BMP5: variants seen among roughly 807,000 people sequenced by gnomAD.
BMP5 encodes bone morphogenetic protein 5.
Under a neutral mutation model 46.6 loss-of-function variants are expected in BMP5, and 23 were observed. That is an observed-to-expected ratio of 0.49 (90% CI 0.35 to 0.70). The LOEUF is 0.70. BMP5 is among the 30% of genes least tolerant of loss of function. BMP5 has a pLI of 0.00. For synonymous variants in BMP5, 204 were observed against 191.9 expected, an observed-to-expected ratio of 1.06 and a Z score of -0.52; for missense variants, 545 against 565.6, an observed-to-expected ratio of 0.96 and a Z score of 0.37.
At chr6:55,843,567 G>A (rs1323419549) in intron 1 of BMP5, among the ~76,000 whole-genome samples, 1 of 151,714 alleles carries the variant, frequency 6.6e-6, no homozygotes. Flanking sequence ...GAACTAAACG[G>A]TTTTTCTATA....
chr6:55,865,558 C>G (rs1368493251), intron 1 of BMP5: 1 of 302,152 alleles, frequency 3.3e-6, no homozygotes, highest in East Asian at 1.1e-4. Flanking sequence ...AGTCCATCAG[C>G]TGTCCAGCTT....
At chr6:55,777,782 A>G (rs189257020) in intron 3 of BMP5, among the ~76,000 whole-genome samples, 1 of 152,116 alleles carries the variant, frequency 6.6e-6, no homozygotes, top group African/African-American at 2.4e-5. Flanking sequence ...CAATAGATGC[A>G]TGTTTAACTC....
At chr6:55,853,981 T>A (rs2127551039) in intron 1 of BMP5, among the ~76,000 whole-genome samples, 1 of 152,294 alleles carries the variant, frequency 6.6e-6, no homozygotes, top group East Asian at 1.9e-4. Context: ...AATATAATAT[T>A]GTTTTATTTT....
At chr6:55,778,540 AAAAAC>A (rs1336267913) in intron 3 of BMP5, among the ~76,000 whole-genome samples, 11 of 152,076 alleles carry the variant, frequency 7.2e-5, no homozygotes, top group Non-Finnish European at 1.5e-4. Flanking sequence ...TTGTATTTAC[AAAAAC>A]AAAACAAAAC....
chr6:55,814,788 A>T (rs1776215138), intron 2 of BMP5, among the ~76,000 whole-genome samples: 2 of 150,854 alleles, frequency 1.3e-5, no homozygotes, highest in South Asian at 2.1e-4. Flanking sequence ...ATTTTAAAAT[A>T]AAAAAAGTGT....
chr6:55,801,522 C>G (rs140637566), intron 2 of BMP5, among the ~76,000 whole-genome samples: 1 of 152,330 alleles, frequency 6.6e-6, no homozygotes, highest in African/African-American at 2.4e-5. Context: ...CCCAATGCAT[C>G]TTTCCTTTCT....
chr6:55,786,133 T>C (rs1775442851), intron 3 of BMP5, among the ~76,000 whole-genome samples: 1 of 151,744 alleles, frequency 6.6e-6, no homozygotes, highest in Non-Finnish European at 1.5e-5. Flanking sequence ...TCTCCATCAC[T>C]ATTTTTATAC....
chr6:55,875,089 A>T lies in BMP5; in HGVS notation c.-224T>A. On this transcript the variant is annotated 5_prime_UTR_variant, in exon 1 of 7. Transcript: ENST00000370830. ...AGTAGTTATTTCTAAGAAAGCTGAA[A>T]CTCAGATTTCCAATTATCCACAGTT... is the stretch of plus-strand genomic sequence containing the variant. The T allele has an allele frequency of 2.0e-6, 1 of 500,958 alleles. No individual in the cohort carries two copies. The highest frequency in any genetic ancestry group is 3.5e-6 in the Non-Finnish European group (1 of 284,592). The allele number at this position is 500,958 out of a possible 1,614,324, so 31.0% of individuals were successfully genotyped here.
intron 3 of BMP5, among the ~76,000 whole-genome samples, chr6:55,775,585 T>C (rs1775155486): frequency 6.6e-6 from 1 of 151,914 alleles, no homozygotes; most frequent in Non-Finnish European, 1.5e-5. Context: ...TTGAAATATG[T>C]GCATGATTGA....
chr6:55,812,413 T>G (rs1776156999), intron 2 of BMP5, among the ~76,000 whole-genome samples: 1 of 152,198 alleles, frequency 6.6e-6, no homozygotes, highest in Non-Finnish European at 1.5e-5. Flanking sequence ...ATTTTAAATT[T>G]GATTGCATAA....
intron 3 of BMP5, among the ~76,000 whole-genome samples, chr6:55,783,176 A>G (rs1775366834): frequency 6.6e-6 from 1 of 152,142 alleles, no homozygotes. Context: ...ATAAGAAGGC[A>G]GGTGGCTTCC....
intron 2 of BMP5, among the ~76,000 whole-genome samples, chr6:55,808,607 C>G (rs1027829903): frequency 1.3e-5 from 2 of 152,150 alleles, no homozygotes; most frequent in African/African-American, 4.8e-5. Context: ...GGCGTGGGCT[C>G]ACACGTGGGA....
intron 2 of BMP5, among the ~76,000 whole-genome samples, chr6:55,796,891 G>T (rs1374325592): frequency 6.6e-6 from 1 of 152,052 alleles, no homozygotes; most frequent in African/African-American, 2.4e-5. Context: ...AGATGAAGTG[G>T]TATGGTCTAA....
chr6:55,874,964 A>G lies in BMP5; in HGVS notation c.-99T>C, dbSNP rs1383701533. 7.0e-7 allele frequency: 1 copy of G among 1,426,452 alleles called. No individual in the cohort carries two copies. The highest frequency in any genetic ancestry group is 9.6e-7 in the Non-Finnish European group (1 of 1,044,582). 88.4% of individuals were successfully genotyped at this position (1,426,452 alleles called of 1,614,324 possible). A position where few individuals can be genotyped will look rare whatever the true frequency, so the allele number is the denominator to read the frequency against. On this transcript the variant is annotated 5_prime_UTR_variant, in exon 1 of 7. Transcript: ENST00000370830. ...AGGAGGTACAGTTTCCCAGTAGCTG[A>G]AAAAACAAATTTACCTATTTTTCAT...
At chr6:55,823,985 A>C (rs1020071652) in intron 1 of BMP5, among the ~76,000 whole-genome samples, 5 of 151,994 alleles carry the variant, frequency 3.3e-5, no homozygotes, top group African/African-American at 1.2e-4. Flanking sequence ...AAATTTAATT[A>C]TAGCTTTTAA....
intron 1 of BMP5, among the ~76,000 whole-genome samples, chr6:55,861,077 T>C (rs1334053918): frequency 6.6e-6 from 1 of 152,178 alleles, no homozygotes; most frequent in African/African-American, 2.4e-5. Context: ...TTAAATATTA[T>C]CTAGAACACA....
rs755292747 is a variant in BMP5 at position 55,758,932 on chromosome 6, G to T, written c.1215+73C>A. ...TAATGCATTAAAATTGTAAATAGATGCTTTCCTCTAAAACAACTTTATAAT... is the reference window on the plus strand; with the variant it reads ...TAATGCATTAAAATTGTAAATAGATTCTTTCCTCTAAAACAACTTTATAAT... On this transcript the variant is annotated intron_variant, in intron 6 of 6. Transcript: ENST00000370830. 99 of 1,018,718 alleles carry T rather than the reference G, an allele frequency of 9.7e-5. 1 individual carries two copies. The highest frequency in any genetic ancestry group is 1.4e-4 in the Non-Finnish European group (92 of 640,096). 63.1% of individuals were successfully genotyped at this position (1,018,718 alleles called of 1,614,324 possible).
chr6:55,815,637 T>C (rs938813244), intron 2 of BMP5, among the ~76,000 whole-genome samples: 1 of 152,020 alleles, frequency 6.6e-6, no homozygotes, highest in Non-Finnish European at 1.5e-5. Flanking sequence ...ACATTAAGAG[T>C]AATATTTTTT....
Position 55,819,663 on chromosome 6 carries a change from G to A in BMP5, c.675C>T (p.Tyr225=). ...KISIYQIIKE[Y]TNRDADLFLL... is the part of the protein sequence containing the mutation. ...AAATAAAAAGATTATACCTATTTGTGTATTCCTTGATGATTTGATATATGC... is the reference window on the plus strand; with the variant it reads ...AAATAAAAAGATTATACCTATTTGTATATTCCTTGATGATTTGATATATGC... Residue 225 remains tyrosine (Y), a synonymous_variant, in exon 2 of 7, where the codon TAC becomes TAT. Transcript: ENST00000370830. The A allele has an allele frequency of 6.2e-7, 1 of 1,608,098 alleles. No individual in the cohort carries two copies. Among genetic ancestry groups the A allele is most frequent in the South Asian group, 1.1e-5 (1 of 90,950 alleles).
Sources: gnomAD v4.1 joint callset for allele counts (sites outside exome capture counted in the v4.1 genomes callset) on GRCh38, gnomAD v4.1.1 for gene constraint, MANE v1.5 for transcripts, NCBI Gene and HGNC (gene_info 2026-07-23, HGNC 2026-07-21) for gene names.